Variants in UBR7 observed in about 807,000 individuals in gnomAD.
UBR7 encodes putative E3 ubiquitin-protein ligase UBR7.
A neutral mutation model predicts 57.0 loss-of-function variants in UBR7; 22 were observed. The observed-to-expected ratio is 0.39, with a 90% CI of 0.28 to 0.55. The LOEUF is 0.55. UBR7 is among the 20% of genes least tolerant of loss of function. UBR7 has a pLI of 0.69. For missense variants in UBR7, 395 were observed against 513.2 expected (o/e 0.77, Z 2.23); for synonymous variants, 167 against 179.8 (o/e 0.93, Z 0.57).
At chr14:93,214,687 G>A (rs1305081368) in intron 4 of UBR7, among the ~76,000 whole-genome samples, 1 of 152,136 alleles carries the variant, frequency 6.6e-6, no homozygotes, top group African/African-American at 2.4e-5. Context: ...TACTTGCCTG[G>A]GCCTGAGTTT....
chr14:93,212,888 T>G (rs1291062414), intron 4 of UBR7, among the ~76,000 whole-genome samples: 4 of 152,218 alleles, frequency 2.6e-5, no homozygotes, highest in African/African-American at 9.6e-5. Context: ...AGAGTGAACA[T>G]CCTCATACAG....
intron 5 of UBR7, 87 bp downstream of exon 5, chr14:93,215,069 TA>T: frequency 7.0e-7 from 1 of 1,420,492 alleles, no homozygotes; most frequent in Non-Finnish European, 9.7e-7. Context: ...CTTCTAAAAA[TA>T]AATTCTAATG....
At chr14:93,226,819 AATGGAG>A (rs1176231482) in intron 10 of UBR7, 118 bp from the exon 11 acceptor site, 2 of 549,610 alleles carry the variant, frequency 3.6e-6, no homozygotes, top group Non-Finnish European at 6.4e-6. Context: ...AAAAATAGAA[AATGGAG>A]ATGTTATCAT....
intron 4 of UBR7, among the ~76,000 whole-genome samples, chr14:93,213,182 T>C (rs915627519): frequency 6.6e-5 from 10 of 152,118 alleles, no homozygotes; most frequent in Non-Finnish European, 1.5e-4. Flanking sequence ...ATTGTGATCA[T>C]ATCTGCCAAA....
intron 7 of UBR7, 44 bp from the exon 8 acceptor site, chr14:93,219,168 A>G: frequency 6.3e-7 from 1 of 1,597,650 alleles, no homozygotes; most frequent in Non-Finnish European, 8.6e-7. Context: ...TATGAAAACT[A>G]TGGTAGTTTA....
chr14:93,219,409 G>GC, intron 8 of UBR7, 48 bp downstream of exon 8: 1 of 1,611,406 alleles, frequency 6.2e-7, no homozygotes, highest in Non-Finnish European at 8.5e-7. Flanking sequence ...GTGTACTGGT[G>GC]CCCCAAAATA....
chr14:93,222,503 G>A (rs1894729659), intron 10 of UBR7, 129 bp downstream of exon 10: 2 of 740,204 alleles, frequency 2.7e-6, no homozygotes, highest in East Asian at 5.4e-5. Context: ...CCAGTACTTT[G>A]GGAGGCCAAT....
intron 2 of UBR7, among the ~76,000 whole-genome samples, 192 bp downstream of exon 2, chr14:93,210,149 T>C (rs1894451852): frequency 6.6e-6 from 1 of 151,940 alleles, no homozygotes; most frequent in Non-Finnish European, 1.5e-5. Flanking sequence ...AGTGGTGTGA[T>C]CTAGGCTCAC....
At chr14:93,208,639 A>T (rs1225994763) in intron 1 of UBR7, among the ~76,000 whole-genome samples, 1 of 152,012 alleles carries the variant, frequency 6.6e-6, no homozygotes, top group African/African-American at 2.4e-5. Flanking sequence ...CACAACCCAG[A>T]TCAACAAATA....
chr14:93,221,481 C>T (rs1566823785), intron 9 of UBR7, among the ~76,000 whole-genome samples: 1 of 151,594 alleles, frequency 6.6e-6, no homozygotes, highest in Non-Finnish European at 1.5e-5. Context: ...TCTCGAACTC[C>T]CGAGCTGAGG....
Position 93,219,249 on chromosome 14 carries a change from A to G in UBR7, c.848A>G (p.Lys283Arg), listed in dbSNP as rs1164748993. 3.1e-6 allele frequency: 5 copies of G among 1,614,220 alleles called. No individual in the cohort carries two copies. The South Asian group carries it at 5.5e-5, about 18-fold the overall frequency. Residue 283 changes from lysine (K) to arginine (R), a missense_variant, in exon 8 of 11, where the codon AAA becomes AGA. By Grantham distance (26) the Lys-to-Arg change is conservative. Coordinates refer to ENST00000013070, the MANE Select transcript of UBR7 (RefSeq NM_175748.4). The stretch of plus-strand genomic sequence containing the variant: ...AATGAAAGCCTCAACGCAGAATCAA[A>G]ATCTGGCTGCAAACTTCAGGAGCTT... ...FKNESLNAESKSGCKLQELKA... is the reference protein window; with the variant it reads ...FKNESLNAESRSGCKLQELKA...
At position 93,207,363 on chromosome 14, in the gene UBR7, TGAG is replaced by T; in HGVS notation, c.78_80del (p.Glu26del). The T allele has an allele frequency of 1.3e-6, 2 of 1,557,808 alleles. No individual in the cohort carries two copies. The highest frequency in any genetic ancestry group is 1.7e-6 in the Non-Finnish European group (2 of 1,151,056). On this transcript the variant is annotated inframe_deletion, in exon 1 of 11. Transcript: ENST00000013070. Reference sequence around the variant, plus strand: ...CCGTGGTATCGTTGGTCGACGTCCTTGAGGAGGACGAGGAGCTGGAGAATGAGG... The same window carrying T: ...CCGTGGTATCGTTGGTCGACGTCCTTGAGGACGAGGAGCTGGAGAATGAGG...
rs1894888877 is a variant in UBR7 at position 93,227,679 on chromosome 14, G to A, written c.*644G>A. On this transcript the variant is annotated 3_prime_UTR_variant, in exon 11 of 11. Coordinates refer to ENST00000013070, the MANE Select transcript of UBR7 (RefSeq NM_175748.4). ...GGCGGAGAGATTAACAGATGACAGG[G>A]TTGAGGAAGCAAGCCTTTGTTATGA... 3 of 700,856 alleles carry A rather than the reference G, an allele frequency of 4.3e-6. No homozygotes were observed. The East Asian group carries it at 8.0e-5, about 19-fold the overall frequency. 43.4% of individuals were successfully genotyped at this position (700,856 alleles called of 1,614,324 possible). A position where few individuals can be genotyped will look rare whatever the true frequency, so the allele number is the denominator to read the frequency against.
chr14:93,224,975 G>A (rs1032244131), intron 10 of UBR7, among the ~76,000 whole-genome samples: 1 of 152,138 alleles, frequency 6.6e-6, no homozygotes, highest in African/African-American at 2.4e-5. Context: ...AAAAAAGTTA[G>A]GCATGTTCTT....
rs34453404 is a variant in UBR7, at chr14:93,223,394, C to CAAAAA, written c.1185+1036_1185+1040dup. Among the ~76,000 whole-genome samples the CAAAAA allele has an allele frequency of 1.4e-4, 13 of 94,228 alleles. 1 individual carries two copies. Among genetic ancestry groups the CAAAAA allele is most frequent in the South Asian group, 8.0e-4 (2 of 2,488 alleles). The allele number at this position is 94,228 out of a possible 152,430, so 61.8% of individuals were successfully genotyped here. A position where few individuals can be genotyped will look rare whatever the true frequency, so the allele number is the denominator to read the frequency against. ...TGGGTGACAGAGCAAGACTCCATCT[C>CAAAAA]AAAAAAAAAAAAAAAAAAAAGAACT... On this transcript the variant is annotated intron_variant, in intron 10 of 10. Coordinates refer to ENST00000013070, the MANE Select transcript of UBR7 (RefSeq NM_175748.4).
chr14:93,209,474 C>G (rs1894435013), intron 1 of UBR7, among the ~76,000 whole-genome samples: 1 of 152,158 alleles, frequency 6.6e-6, no homozygotes, highest in Admixed American at 6.5e-5. Flanking sequence ...TGTGTCGTGG[C>G]TAATGCTTGT....
Position 93,227,553 on chromosome 14 carries a change from G to A in UBR7, c.*518G>A. 1.4e-6 allele frequency: 1 copy of A among 699,568 alleles called. No individual in the cohort carries two copies. The highest frequency in any genetic ancestry group is 2.6e-6 in the Non-Finnish European group (1 of 384,612). 43.3% of individuals were successfully genotyped at this position (699,568 alleles called of 1,614,324 possible). A position where few individuals can be genotyped will look rare whatever the true frequency, so the allele number is the denominator to read the frequency against. On this transcript the variant is annotated 3_prime_UTR_variant, in exon 11 of 11. Coordinates refer to ENST00000013070, the MANE Select transcript of UBR7 (RefSeq NM_175748.4). The stretch of plus-strand genomic sequence containing the variant: ...TTCTTTCACGTCCCTGTTTTCTGAG[G>A]TTTGGTCATAGCTTAGAAAGGATCT...
chr14:93,223,506 CTACTT>C (rs1894756762), intron 10 of UBR7: 1 of 600,756 alleles, frequency 1.7e-6, no homozygotes, highest in African/African-American at 1.9e-5. Context: ...CTCTGTCTAC[CTACTT>C]TAGGTCATTT....
intron 1 of UBR7, among the ~76,000 whole-genome samples, chr14:93,207,935 C>G (rs536026644): frequency 1.3e-5 from 2 of 152,240 alleles, no homozygotes; most frequent in Admixed American, 1.3e-4. Context: ...TTTAGTTGGA[C>G]AAGTGCTAGC....
Sources: allele counts gnomAD v4.1 joint callset (sites outside exome capture counted in the v4.1 genomes callset), GRCh38; gene constraint gnomAD v4.1.1; transcripts MANE v1.5; gene names NCBI Gene and HGNC (gene_info 2026-07-23, HGNC 2026-07-21).